Variants in SMARCC1 observed in about 807,000 individuals in gnomAD.
SMARCC1 encodes the protein SWI/SNF complex subunit SMARCC1.
SMARCC1 carries 43 observed loss-of-function variants against 147.4 expected under a neutral mutation model. That is an observed-to-expected ratio of 0.29 (90% CI 0.23 to 0.38). SMARCC1 has a LOEUF of 0.38. Among genes scored for constraint, SMARCC1 ranks in the 10% least tolerant of loss-of-function variants. The pLI is 1.00. For missense variants in SMARCC1, 1,119 were observed against 1,381.1 expected (o/e 0.81, Z 3.01); for synonymous variants, 495 against 484.4 (o/e 1.02, Z -0.29).
At chr3:47,772,671 G>A in intron 2 of SMARCC1, 146 bp downstream of exon 2, 2 of 645,758 alleles carry the variant, frequency 3.1e-6, no homozygotes, top group East Asian at 3.0e-5. Flanking sequence ...TTAAAAAATA[G>A]TAATATTCTA....
At chr3:47,726,528 C>T (rs2034302189) in intron 6 of SMARCC1, among the ~76,000 whole-genome samples, 1 of 152,172 alleles carries the variant, frequency 6.6e-6, no homozygotes, top group African/African-American at 2.4e-5. Flanking sequence ...TATAAGTAAG[C>T]AGTTTAGTAC....
At chr3:47,705,776 G>C (rs1210274364) in intron 10 of SMARCC1, among the ~76,000 whole-genome samples, 1 of 152,100 alleles carries the variant, frequency 6.6e-6, no homozygotes, top group Non-Finnish European at 1.5e-5. Flanking sequence ...TTTTAAGCTA[G>C]GCAAACCAGA....
At chr3:47,769,213 A>AC (rs1559668289) in intron 2 of SMARCC1, among the ~76,000 whole-genome samples, 26 of 145,914 alleles carry the variant, frequency 1.8e-4, no homozygotes, top group Admixed American at 2.7e-4. Flanking sequence ...TCCGTCTCAA[A>AC]AAAAAAAAAA....
At chr3:47,610,575 C>T in intron 25 of SMARCC1, 1 of 525,286 alleles carries the variant, frequency 1.9e-6, no homozygotes, top group South Asian at 2.1e-5. Flanking sequence ...TTGCAATCTT[C>T]CCGCAGTAGG....
chr3:47,682,642 C>T (rs928376035), intron 14 of SMARCC1, among the ~76,000 whole-genome samples: 4 of 151,976 alleles, frequency 2.6e-5, no homozygotes, highest in African/African-American at 9.7e-5. Context: ...TAAAGTTTGT[C>T]AATTTTAACA....
intron 7 of SMARCC1, among the ~76,000 whole-genome samples, chr3:47,716,362 G>A (rs1302418714): frequency 7.2e-6 from 1 of 138,506 alleles, no homozygotes; most frequent in Non-Finnish European, 1.5e-5. Flanking sequence ...AGTTTGCAGT[G>A]AGCTTAGATC....
chr3:47,773,023 T>TAG, intron 1 of SMARCC1, 87 bp from the exon 2 acceptor site: 2 of 1,202,644 alleles, frequency 1.7e-6, no homozygotes, highest in Non-Finnish European at 2.4e-6. Context: ...ACTAAGTACT[T>TAG]ACGTTATGGG....
intron 11 of SMARCC1, among the ~76,000 whole-genome samples, chr3:47,693,800 C>T (rs1313260864): frequency 1.3e-5 from 2 of 152,104 alleles, no homozygotes; most frequent in Non-Finnish European, 2.9e-5. Flanking sequence ...GTAATTGGGA[C>T]TATGGGCGCA....
chr3:47,781,361 G>T (rs974637630), intron 1 of SMARCC1, among the ~76,000 whole-genome samples: 1 of 152,228 alleles, frequency 6.6e-6, no homozygotes, highest in Admixed American at 6.5e-5. Context: ...TCTGGCACAC[G>T]AGACTGAGCA....
At chr3:47,780,179 T>TTG (rs1369380449) in intron 1 of SMARCC1, among the ~76,000 whole-genome samples, 31 of 141,238 alleles carry the variant, frequency 2.2e-4, no homozygotes, top group East Asian at 1.3e-3. Flanking sequence ...TTTTTTTTTT[T>TTG]TTTTTTTTTT....
chr3:47,668,810 G>A (rs1004986877), intron 19 of SMARCC1, among the ~76,000 whole-genome samples: 1 of 151,622 alleles, frequency 6.6e-6, no homozygotes, highest in Non-Finnish European at 1.5e-5. Flanking sequence ...GCCTGAGCTC[G>A]GGAAATTGAG....
chr3:47,667,693 A>G (rs1488019765), intron 19 of SMARCC1, among the ~76,000 whole-genome samples: 2 of 152,190 alleles, frequency 1.3e-5, no homozygotes, highest in East Asian at 1.9e-4. Flanking sequence ...CCTGGCCAAC[A>G]TGGTGAAACC....
chr3:47,622,175 G>GA, intron 25 of SMARCC1, 32 bp downstream of exon 25: 1 of 1,586,634 alleles, frequency 6.3e-7, no homozygotes, highest in Non-Finnish European at 8.6e-7. Context: ...GTTTAATTGT[G>GA]AAAAAGCCAC....
chr3:47,759,829 C>T (rs1242410872), intron 2 of SMARCC1, among the ~76,000 whole-genome samples: 2 of 151,408 alleles, frequency 1.3e-5, no homozygotes, highest in African/African-American at 2.4e-5. Flanking sequence ...CCCAGCTACT[C>T]GGGAGGCTGA....
At chr3:47,619,000 C>T (rs899960696) in intron 25 of SMARCC1, among the ~76,000 whole-genome samples, 1 of 152,100 alleles carries the variant, frequency 6.6e-6, no homozygotes, top group African/African-American at 2.4e-5. Context: ...ATATTATAGC[C>T]CCCTATTACT....
chr3:47,641,305 T>C (rs771278996), intron 21 of SMARCC1, among the ~76,000 whole-genome samples: 10 of 151,992 alleles, frequency 6.6e-5, no homozygotes, highest in Non-Finnish European at 1.3e-4. Context: ...TGGGCAACAC[T>C]GTGAAACCCC....
intron 26 of SMARCC1, among the ~76,000 whole-genome samples, chr3:47,591,546 GTTTC>G (rs1400207319): frequency 1.8e-4 from 27 of 150,382 alleles, no homozygotes; most frequent in Admixed American, 6.0e-4. Context: ...CCTTTTGTTT[GTTTC>G]TTTCTTTTTT....
chr3:47,639,844 T>C (rs761550039), intron 21 of SMARCC1, among the ~76,000 whole-genome samples: 1 of 152,094 alleles, frequency 6.6e-6, no homozygotes, highest in Non-Finnish European at 1.5e-5. Flanking sequence ...CAATAAGATA[T>C]AGAGCAGATA....
At chr3:47,755,332 C>T (rs531063890) in intron 2 of SMARCC1, among the ~76,000 whole-genome samples, 3 of 149,498 alleles carry the variant, frequency 2.0e-5, no homozygotes, top group African/African-American at 4.9e-5. Flanking sequence ...GAAACCCTGT[C>T]TAAAAAAAAA....
Sources: gnomAD v4.1 joint callset for allele counts (sites outside exome capture counted in the v4.1 genomes callset) on GRCh38, gnomAD v4.1.1 for gene constraint, MANE v1.5 for transcripts, NCBI Gene and HGNC (gene_info 2026-07-23, HGNC 2026-07-21) for gene names.